POLR2F: variants seen among roughly 807,000 people sequenced by gnomAD.
POLR2F encodes RNA polymerase II, I and III subunit F, also known as DNA-directed RNA polymerases I, II, and III subunit RPABC2.
POLR2F carries 12 observed loss-of-function variants against 22.7 expected under a neutral mutation model. That is an observed-to-expected ratio of 0.53 (90% CI 0.34 to 0.86). The LOEUF (loss-of-function observed/expected upper bound fraction) is 0.86. Ranked by LOEUF, POLR2F falls within the 40% of genes least tolerant of loss-of-function variation. The pLI is 0.02. For synonymous variants in POLR2F, 57 were observed against 66.0 expected (o/e 0.86, Z 0.66); for missense variants, 126 against 171.5 (o/e 0.73, Z 1.48).
chr22:37,990,407 C>T (rs999913641), intron 1 of POLR2F, among the ~76,000 whole-genome samples: 1 of 152,268 alleles, frequency 6.6e-6, no homozygotes, highest in African/African-American at 2.4e-5. Flanking sequence ...CTGGCCTCTG[C>T]TCTCTTCTGA....
At chr22:38,034,588 C>T (rs1040778348) in intron 5 of POLR2F, among the ~76,000 whole-genome samples, 2 of 152,220 alleles carry the variant, frequency 1.3e-5, no homozygotes, top group East Asian at 1.9e-4. Flanking sequence ...GAAATCCCAG[C>T]GCTGACACCA....
At chr22:38,001,811 G>C (rs1267626256) in intron 1 of POLR2F, among the ~76,000 whole-genome samples, 1 of 151,902 alleles carries the variant, frequency 6.6e-6, no homozygotes, top group Non-Finnish European at 1.5e-5. Flanking sequence ...GGGATTACAA[G>C]TGTGAGCCAC....
chr22:37,967,261 C>A (rs1335215856), intron 4 of POLR2F, 91 bp downstream of exon 4: 1 of 1,588,692 alleles, frequency 6.3e-7, no homozygotes. Flanking sequence ...ACTTGCCTGG[C>A]TGGAGAAGTT....
chr22:37,953,858 G>A, intron 1 of POLR2F, 51 bp downstream of exon 1: 1 of 1,592,978 alleles, frequency 6.3e-7, no homozygotes, highest in South Asian at 1.1e-5. Context: ...AGGGGCGGAT[G>A]AGGCAAGGCT....
At chr22:38,031,503 T>G (rs1421097384), downstream of POLR2F, among the ~76,000 whole-genome samples, 3 of 152,038 alleles carry the variant, frequency 2.0e-5, no homozygotes, top group African/African-American at 7.3e-5. The surrounding 1 kb of genome is among the most constrained non-coding windows in gnomAD (Gnocchi z 4.1). Context: ...CTGGGTCTGA[T>G]TCACCACCAG....
At chr22:37,972,284 A>G (rs1448220503), downstream of POLR2F, 1 of 1,293,928 alleles carries the variant, frequency 7.7e-7, no homozygotes, top group African/African-American at 1.5e-5. Flanking sequence ...AGATGAAGAG[A>G]CAGGCCAGGT....
chr22:37,992,386 T>G (rs73417803), intron 1 of POLR2F, among the ~76,000 whole-genome samples: 3,802 of 151,882 alleles, frequency 0.025, 157 homozygotes, highest in African/African-American at 0.086. Context: ...AGTCATTGCT[T>G]CTTCTTTTTT....
chr22:38,012,231 A>G (rs2084877324), intron 1 of POLR2F, among the ~76,000 whole-genome samples: 2 of 151,956 alleles, frequency 1.3e-5, no homozygotes, highest in South Asian at 4.2e-4. Flanking sequence ...ACAGATACCC[A>G]CCACCATGCC....
chr22:38,033,429 G>A (rs1000604855), intron 5 of POLR2F, among the ~76,000 whole-genome samples: 1 of 152,208 alleles, frequency 6.6e-6, no homozygotes. Flanking sequence ...AGGTTGCAGC[G>A]GGGTTCAAGC....
intron 5 of POLR2F, among the ~76,000 whole-genome samples, chr22:38,039,051 G>A (rs1033470574): frequency 2.0e-5 from 3 of 152,202 alleles, no homozygotes; most frequent in African/African-American, 7.2e-5. Flanking sequence ...CCCTGCATGG[G>A]ACAAGAGGCA....
chr22:37,969,966 T>C (rs966634019), downstream of POLR2F, among the ~76,000 whole-genome samples: 4 of 152,122 alleles, frequency 2.6e-5, no homozygotes, highest in Non-Finnish European at 5.9e-5. Flanking sequence ...GTGATGTAAT[T>C]AGACAGTTTT....
At chr22:38,030,394 C>T (rs2085053186), downstream of POLR2F, among the ~76,000 whole-genome samples, 1 of 152,180 alleles carries the variant, frequency 6.6e-6, no homozygotes, top group African/African-American at 2.4e-5. Flanking sequence ...CCCATCAGGG[C>T]AGGCTCAAAG....
chr22:37,964,017 G>A (rs150648426), intron 3 of POLR2F, among the ~76,000 whole-genome samples: 6,183 of 151,886 alleles, frequency 0.041, 202 homozygotes, highest in East Asian at 0.096. Flanking sequence ...CAAGAGAATC[G>A]CTTGAACCTG....
Position 38,017,870 on chromosome 22 carries a change from C to A in POLR2F, c.121-7999C>A, listed in dbSNP as rs185733037. Among the ~76,000 whole-genome samples, 475 of 152,300 alleles carry A rather than the reference C, an allele frequency of 3.1e-3. 5 individuals carry two copies. The highest frequency in any genetic ancestry group is 9.7e-4 in the Non-Finnish European group (66 of 68,028). ...TGGTTCCAGTTCTACTCATTGGAAC[C>A]ATATGGAACAAGTTAAGCCTCCCTG... On this transcript the variant is annotated intron_variant, in intron 1 of 2. Transcript: ENST00000333418. The surrounding 1 kb of genome is among the most constrained non-coding windows in gnomAD (Gnocchi z 4.1).
chr22:37,983,616 C>G, upstream of POLR2F: 1 of 1,606,190 alleles, frequency 6.2e-7, no homozygotes, highest in Non-Finnish European at 8.5e-7. This position sits in a 1 kb window ranked among gnomAD's most constrained non-coding sequence, Gnocchi z 9.5. Context: ...TCCTGCTGCT[C>G]CTTCTTGACC....
chr22:37,997,940 G>T lies in POLR2F; in HGVS notation c.120+11628G>T, dbSNP rs566928670. ...TACCATCTCCTGGCGCGAGAGCCAG[G>T]GTTGCCCAGATTGATGGAAGAGCAG... On this transcript the variant is annotated intron_variant, in intron 1 of 2. Coordinates refer to the POLR2F transcript ENST00000333418. This position sits in a 1 kb window ranked among gnomAD's most constrained non-coding sequence, Gnocchi z 4.4. Among the ~76,000 whole-genome samples the T allele has an allele frequency of 4.6e-5, 7 of 152,092 alleles. No homozygotes were observed. The highest frequency in any genetic ancestry group is 1.0e-4 in the Non-Finnish European group (7 of 67,930).
In POLR2F at chr22:37,960,044, T is replaced by G. The variant is rs540785463; in HGVS notation, c.221+568T>G. Among the ~76,000 whole-genome samples, 6 of 152,122 alleles carry G rather than the reference T, an allele frequency of 3.9e-5. No homozygotes were observed. The East Asian group carries it at 1.2e-3, about 29-fold the overall frequency. On this transcript the variant is annotated intron_variant, in intron 3 of 4. Coordinates refer to ENST00000442738, the MANE Select transcript of POLR2F (RefSeq NM_021974.5). ...GTCTCGAACGCCTAGCTTCAAGTGATCCACCTGCCTCTGCCTCCCAAAGTG... is the reference window on the plus strand; with the variant it reads ...GTCTCGAACGCCTAGCTTCAAGTGAGCCACCTGCCTCTGCCTCCCAAAGTG...
rs1931922644 is a variant in POLR2F, at chr22:37,967,901, G to C, written c.*186G>C. On this transcript the variant is annotated 3_prime_UTR_variant, in exon 5 of 5. Coordinates refer to ENST00000442738, the MANE Select transcript of POLR2F (RefSeq NM_021974.5). ...CACCTATTCCAGTGGCCCTGTGACT[G>C]TCAGCTCCTTAAGAAGCACCAGGGG... is the stretch of plus-strand genomic sequence containing the variant. The C allele has an allele frequency of 7.5e-7, 1 of 1,328,856 alleles. No homozygotes were observed. The highest frequency in any genetic ancestry group is 9.6e-7 in the Non-Finnish European group (1 of 1,041,726). The allele number at this position is 1,328,856 out of a possible 1,614,324, so 82.3% of individuals were successfully genotyped here. A position where few individuals can be genotyped will look rare whatever the true frequency, so the allele number is the denominator to read the frequency against.
chr22:37,960,660 CAA>C (rs952664925), intron 3 of POLR2F, among the ~76,000 whole-genome samples: 5 of 151,984 alleles, frequency 3.3e-5, no homozygotes, highest in African/African-American at 9.7e-5. Flanking sequence ...CTCGGCCTCC[CAA>C]AGTGTTGGGA....
Sources: allele counts gnomAD v4.1 joint callset (sites outside exome capture counted in the v4.1 genomes callset), GRCh38; gene constraint gnomAD v4.1.1; non-coding constraint Gnocchi (gnomAD v3.1); transcripts MANE v1.5; gene names NCBI Gene and HGNC (gene_info 2026-07-23, HGNC 2026-07-21).